HORMAD2: variants seen among roughly 807,000 people sequenced by gnomAD.
HORMAD2 encodes HORMA domain containing 2, also known as HORMA domain-containing protein 2.
A neutral mutation model predicts 38.8 loss-of-function variants in HORMAD2; 45 were observed. The observed-to-expected ratio is 1.16, with a 90% confidence interval of 0.91 to 1.49. HORMAD2 has a LOEUF of 1.49. Ranked by LOEUF, HORMAD2 falls within the 40% of genes most tolerant of loss-of-function variation. The pLI is 0.00. For missense variants in HORMAD2, 338 were observed against 367.0 expected (o/e 0.92, Z 0.65); for synonymous variants, 126 against 122.8 (o/e 1.03, Z -0.17).
intron 10 of HORMAD2, among the ~76,000 whole-genome samples, chr22:30,173,553 G>A (rs1296772364): frequency 1.3e-5 from 2 of 152,164 alleles, no homozygotes; most frequent in Admixed American, 6.5e-5. Flanking sequence ...ACGAAGATTG[G>A]GAACAGGCTT....
intron 10 of HORMAD2, 42 bp from the exon 11 acceptor site, chr22:30,176,021 A>G (rs1438060931): frequency 6.0e-6 from 8 of 1,334,164 alleles, no homozygotes; most frequent in South Asian, 2.4e-5. Context: ...GCAGATGTCA[A>G]AATCTCTGCT....
chr22:30,153,039 CT>C (rs1174503548), intron 10 of HORMAD2, among the ~76,000 whole-genome samples: 1 of 152,032 alleles, frequency 6.6e-6, no homozygotes. Context: ...ACTGCCTTCC[CT>C]TTTCCACACA....
At chr22:30,108,422 A>G (rs928567403) in intron 5 of HORMAD2, among the ~76,000 whole-genome samples, 1 of 152,326 alleles carries the variant, frequency 6.6e-6, no homozygotes, top group Non-Finnish European at 1.5e-5. Flanking sequence ...CAAAGAATCT[A>G]GAACATGCCA....
chr22:30,196,260 A>G, the HORMAD2 span, among the ~76,000 whole-genome samples: 1 of 152,220 alleles, frequency 6.6e-6, no homozygotes, highest in African/African-American at 2.4e-5. Flanking sequence ...GACTTGAGGC[A>G]ATACAGCTTC....
At chr22:30,180,072 T>C (rs1043685463), downstream of HORMAD2, among the ~76,000 whole-genome samples, 4 of 152,032 alleles carry the variant, frequency 2.6e-5, no homozygotes, top group Non-Finnish European at 5.9e-5. Flanking sequence ...TATTTTTTAG[T>C]AGAGATGAGG....
intron 10 of HORMAD2, among the ~76,000 whole-genome samples, chr22:30,132,891 A>G (rs1051739940): frequency 6.6e-6 from 1 of 152,082 alleles, no homozygotes; most frequent in African/African-American, 2.4e-5. Context: ...ATTATAGCAG[A>G]AAAAAAAGTC....
At chr22:30,113,359 C>T (rs892005307) in intron 7 of HORMAD2, among the ~76,000 whole-genome samples, 1 of 151,928 alleles carries the variant, frequency 6.6e-6, no homozygotes, top group African/African-American at 2.4e-5. Context: ...GGACTACTGG[C>T]ATGCACCACC....
intron 10 of HORMAD2, among the ~76,000 whole-genome samples, chr22:30,175,605 G>A (rs191386837): frequency 6.6e-6 from 1 of 152,012 alleles, no homozygotes; most frequent in Admixed American, 6.6e-5. Context: ...ATACTCCTCA[G>A]TAGAAAGGTT....
downstream of HORMAD2, among the ~76,000 whole-genome samples, chr22:30,181,766 A>G (rs1232700873): frequency 3.3e-5 from 5 of 152,226 alleles, no homozygotes; most frequent in Admixed American, 1.3e-4. Flanking sequence ...TCAACCTATT[A>G]AAGAATTTTC....
At chr22:30,151,495 A>G (rs1924747275) in intron 10 of HORMAD2, among the ~76,000 whole-genome samples, 1 of 152,190 alleles carries the variant, frequency 6.6e-6, no homozygotes, top group Admixed American at 6.5e-5. Context: ...AGTATTGCTT[A>G]AGAATTTCAA....
At chr22:30,185,108 T>G in the HORMAD2 span, among the ~76,000 whole-genome samples, 1 of 152,192 alleles carries the variant, frequency 6.6e-6, no homozygotes, top group African/African-American at 2.4e-5. Context: ...CAGTCTACTC[T>G]AAATCTGGCA....
intron 5 of HORMAD2, among the ~76,000 whole-genome samples, chr22:30,107,333 A>G (rs1410476579): frequency 6.6e-6 from 1 of 152,258 alleles, no homozygotes; most frequent in Non-Finnish European, 1.5e-5. Context: ...TGGAGAGATC[A>G]AAAGACAAAA....
the HORMAD2 span, among the ~76,000 whole-genome samples, chr22:30,194,611 G>T: frequency 1.3e-5 from 2 of 152,310 alleles, no homozygotes; most frequent in African/African-American, 4.8e-5. Flanking sequence ...TGTTGCAGGG[G>T]TGATCCAATA....
At chr22:30,142,139 C>T (rs1043041503) in intron 10 of HORMAD2, among the ~76,000 whole-genome samples, 31 of 152,022 alleles carry the variant, frequency 2.0e-4, no homozygotes, top group Middle Eastern at 3.2e-3. Context: ...ACCACCCAGG[C>T]GTGGTGGCAT....
At chr22:30,093,465 T>C (rs535568061) in intron 1 of HORMAD2, among the ~76,000 whole-genome samples, 64 of 152,308 alleles carry the variant, frequency 4.2e-4, no homozygotes, top group Admixed American at 1.8e-3. Flanking sequence ...TGATTTACAA[T>C]GTATTTTCTC....
At chr22:30,205,319 C>G in the HORMAD2 span, among the ~76,000 whole-genome samples, 1 of 152,136 alleles carries the variant, frequency 6.6e-6, no homozygotes, top group African/African-American at 2.4e-5. Context: ...CCACAGCGCT[C>G]TCCTGCTGAG....
chr22:30,080,828 G>A (rs989261579), intron 1 of HORMAD2, among the ~76,000 whole-genome samples: 3 of 152,124 alleles, frequency 2.0e-5, no homozygotes, highest in Admixed American at 2.0e-4. Flanking sequence ...CAGGGCAGAC[G>A]ATGTCTGTGC....
chr22:30,180,693 C>T (rs983511862), downstream of HORMAD2, among the ~76,000 whole-genome samples: 5 of 152,140 alleles, frequency 3.3e-5, no homozygotes, highest in African/African-American at 1.2e-4. Flanking sequence ...CACTACTCAT[C>T]GTGATGGCTG....
chr22:30,083,352 T>A (rs941706001), intron 1 of HORMAD2, among the ~76,000 whole-genome samples: 2 of 152,182 alleles, frequency 1.3e-5, no homozygotes, highest in African/African-American at 4.8e-5. Context: ...TATAAGAGAA[T>A]GACATTGCAA....
Sources: allele counts gnomAD v4.1 joint callset (sites outside exome capture counted in the v4.1 genomes callset), GRCh38; gene constraint gnomAD v4.1.1; transcripts MANE v1.5; gene names NCBI Gene and HGNC (gene_info 2026-07-23, HGNC 2026-07-21).